Variants in FIRRM observed in about 807,000 individuals in gnomAD.
The protein encoded by FIRRM is FIGNL1-interacting regulator of recombination and mitosis.
At chr1:169,850,224 T>G in the FIRRM span, 1 of 1,350,598 alleles carries the variant, frequency 7.4e-7, no homozygotes, top group Non-Finnish European at 1.1e-6. Flanking sequence ...TGCAAGTTGT[T>G]GAAATGTTAA....
At chr1:169,853,006 A>G in the FIRRM span, 2 of 1,611,764 alleles carry the variant, frequency 1.2e-6, no homozygotes, top group South Asian at 2.2e-5. Context: ...ACTAGGCAGA[A>G]CTGGGTTTGA....
At chr1:169,847,847 T>C in the FIRRM span, 3 of 1,315,962 alleles carry the variant, frequency 2.3e-6, no homozygotes, top group East Asian at 7.0e-5. Context: ...AAACAAAATC[T>C]CTATAAGAGT....
chr1:169,829,185 A>G, the FIRRM span: 5 of 1,260,296 alleles, frequency 4.0e-6, no homozygotes, highest in Non-Finnish European at 4.2e-6. Context: ...ACAACCTTCC[A>G]TGTTACATAT....
the FIRRM span, chr1:169,804,270 A>G: frequency 7.3e-7 from 1 of 1,371,396 alleles, no homozygotes; most frequent in Non-Finnish European, 9.6e-7. Flanking sequence ...TGCTTAGTAT[A>G]TGGTGACTAT....
the FIRRM span, chr1:169,829,437 G>A: frequency 1.2e-6 from 2 of 1,611,136 alleles, no homozygotes; most frequent in Non-Finnish European, 1.7e-6. Context: ...ATCCCTCACT[G>A]TTTGCTGAAC....
At chr1:169,836,953 A>G in the FIRRM span, 1 of 1,610,852 alleles carries the variant, frequency 6.2e-7, no homozygotes, top group Non-Finnish European at 8.5e-7. Flanking sequence ...AATTTTCCCC[A>G]AAAGAAGCAG....
At chr1:169,845,449 T>G in the FIRRM span, among the ~76,000 whole-genome samples, 8 of 152,192 alleles carry the variant, frequency 5.3e-5, no homozygotes, top group Non-Finnish European at 1.0e-4. Context: ...GACTCTTCCC[T>G]TCATGAAAGA....
chr1:169,795,939 A>G, the FIRRM span: 2 of 984,982 alleles, frequency 2.0e-6, no homozygotes, highest in Admixed American at 1.2e-4. Context: ...GATTGGTCTC[A>G]TGCCTTTGTG....
At chr1:169,787,223 A>G in the FIRRM span, among the ~76,000 whole-genome samples, 1 of 152,148 alleles carries the variant, frequency 6.6e-6, no homozygotes, top group African/African-American at 2.4e-5. Flanking sequence ...ACACAGGAAT[A>G]CTTGCTTCTG....
At chr1:169,807,755 TGTG>T in the FIRRM span, 3 of 1,531,286 alleles carry the variant, frequency 2.0e-6, no homozygotes, top group African/African-American at 2.8e-5. Context: ...ATGTGTTACT[TGTG>T]GTGATTGTAT....
the FIRRM span, among the ~76,000 whole-genome samples, chr1:169,846,136 A>G: frequency 6.6e-6 from 1 of 152,202 alleles, no homozygotes; most frequent in Non-Finnish European, 1.5e-5. Context: ...GAGCAGGTGC[A>G]TTGTCAATGA....
chr1:169,843,575 A>G, the FIRRM span: 382 of 705,112 alleles, frequency 5.4e-4, 1 homozygote, highest in Non-Finnish European at 8.8e-4. Context: ...AAAATACTTA[A>G]CATATTACCT....
the FIRRM span, chr1:169,793,583 C>T: frequency 6.2e-7 from 1 of 1,614,162 alleles, no homozygotes; most frequent in Non-Finnish European, 8.5e-7. Context: ...TCCTTTTTGA[C>T]TTTCTGAGAC....
At chr1:169,850,980 C>CTTTTTTTTTTTTTTTTTT in the FIRRM span, 5 of 31,580 alleles carry the variant, frequency 1.6e-4, 1 homozygote, top group East Asian at 1.4e-3. Context: ...TTAGGCATGG[C>CTTTTTTTTTTTTTTTTTT]TTTTTTTTTT....
At chr1:169,795,335 C>A in the FIRRM span, 4 of 1,417,536 alleles carry the variant, frequency 2.8e-6, no homozygotes, top group Non-Finnish European at 3.7e-6. Flanking sequence ...TGAACCCCCT[C>A]TTTTCTTTGT....
the FIRRM span, chr1:169,796,120 A>G: frequency 9.0e-6 from 3 of 332,968 alleles, no homozygotes; most frequent in Non-Finnish European, 8.6e-6. Context: ...AGCCCTATGT[A>G]ATCACATAGA....
the FIRRM span, chr1:169,795,251 G>T: frequency 4.6e-6 from 7 of 1,526,000 alleles, no homozygotes; most frequent in African/African-American, 1.4e-5. Flanking sequence ...CTAGAGAAGG[G>T]TGTGGGCGGG....
chr1:169,784,376 AT>A, the FIRRM span, among the ~76,000 whole-genome samples: 1 of 152,162 alleles, frequency 6.6e-6, no homozygotes, highest in African/African-American at 2.4e-5. Context: ...TATTGTGTGA[AT>A]TGCAGGCAAC....
At chr1:169,829,598 C>T in the FIRRM span, 2 of 695,566 alleles carry the variant, frequency 2.9e-6, no homozygotes, top group Non-Finnish European at 4.4e-6. Flanking sequence ...ATGGTAATCC[C>T]AGATTCCTGT....
Sources: allele counts gnomAD v4.1 joint callset (sites outside exome capture counted in the v4.1 genomes callset), GRCh38; gene constraint gnomAD v4.1.1; transcripts MANE v1.5; gene names NCBI Gene and HGNC (gene_info 2026-07-23, HGNC 2026-07-21).